MMD: variants seen among roughly 807,000 people sequenced by gnomAD.
MMD encodes monocyte to macrophage differentiation factor.
MMD carries 22 observed loss-of-function variants against 33.6 expected under a neutral mutation model. The observed-to-expected ratio is 0.66, with a 90% CI of 0.47 to 0.94. MMD has a LOEUF of 0.94. MMD is among the 40% of genes least tolerant of loss of function. The probability of loss-of-function intolerance (pLI) is 0.00; values close to 1 mark genes in which losing one functional copy is unlikely to be tolerated. For missense variants in MMD, 242 were observed against 309.8 expected (o/e 0.78, Z 1.64); for synonymous variants, 97 against 103.2 (o/e 0.94, Z 0.36).
intron 1 of MMD, among the ~76,000 whole-genome samples, chr17:55,419,325 G>A (rs1235985921): frequency 6.6e-6 from 1 of 152,180 alleles, no homozygotes; most frequent in African/African-American, 2.4e-5. Context: ...GTGTGTGTAG[G>A]TATCTTGGGG....
At chr17:55,409,000 C>CA (rs1054268226) in intron 3 of MMD, among the ~76,000 whole-genome samples, 17 of 150,082 alleles carry the variant, frequency 1.1e-4, no homozygotes, top group African/African-American at 3.7e-4. Context: ...TAGTCTGTCT[C>CA]AAAAAAAACA....
chr17:55,407,255 G>C (rs1598432487), intron 4 of MMD, among the ~76,000 whole-genome samples: 2 of 151,050 alleles, frequency 1.3e-5, no homozygotes, highest in East Asian at 3.9e-4. Flanking sequence ...CTTAAACTCG[G>C]GAGGCAGAGG....
chr17:55,421,585 G>A, intron 1 of MMD, 85 bp downstream of exon 1: 1 of 1,561,384 alleles, frequency 6.4e-7, no homozygotes, highest in Non-Finnish European at 8.7e-7. Context: ...ATCCAGGTGA[G>A]GAGCCGGGAG....
At chr17:55,420,764 C>T (rs1324010219) in intron 1 of MMD, among the ~76,000 whole-genome samples, 1 of 152,210 alleles carries the variant, frequency 6.6e-6, no homozygotes, top group Non-Finnish European at 1.5e-5. Context: ...ACCATATGCC[C>T]TGGAGAGGTG....
intron 6 of MMD, among the ~76,000 whole-genome samples, chr17:55,395,060 C>T (rs1233782034): frequency 1.3e-5 from 2 of 152,244 alleles, no homozygotes; most frequent in Non-Finnish European, 1.5e-5. Flanking sequence ...CACAGGAAAA[C>T]CGTAACTAGA....
chr17:55,417,603 C>T (rs188601277), intron 1 of MMD, among the ~76,000 whole-genome samples: 8 of 151,844 alleles, frequency 5.3e-5, no homozygotes, highest in South Asian at 2.1e-4. Flanking sequence ...CCAGCCTAGG[C>T]GGTATAGTGA....
chr17:55,411,056 T>C (rs1313985199), intron 3 of MMD, among the ~76,000 whole-genome samples: 1 of 152,212 alleles, frequency 6.6e-6, no homozygotes, highest in East Asian at 1.9e-4. Flanking sequence ...CCTACCTTCT[T>C]AGATGCCTGC....
chr17:55,420,182 A>T (rs1908124540), intron 1 of MMD: 1 of 152,232 alleles, frequency 6.6e-6, no homozygotes, highest in African/African-American at 2.4e-5. Context: ...GAATATTGCC[A>T]CTGTTCTCTG....
At chr17:55,417,721 C>T (rs937748581) in intron 1 of MMD, among the ~76,000 whole-genome samples, 4 of 152,122 alleles carry the variant, frequency 2.6e-5, no homozygotes, top group Admixed American at 6.6e-5. Context: ...GCTTGAGCCT[C>T]GGAGGTCAAG....
intron 4 of MMD, among the ~76,000 whole-genome samples, chr17:55,407,181 T>C (rs758309000): frequency 6.6e-6 from 1 of 151,534 alleles, no homozygotes; most frequent in Non-Finnish European, 1.5e-5. Flanking sequence ...ATACAAAAAT[T>C]AGCCAGGCAT....
intron 3 of MMD, 76 bp from the exon 4 acceptor site, chr17:55,407,896 T>G: frequency 9.9e-7 from 1 of 1,013,968 alleles, no homozygotes; most frequent in Non-Finnish European, 1.4e-6. Context: ...TCCACTATGT[T>G]GCAATTTCCA....
rs188994299 is a variant in MMD, at chr17:55,410,493, T to G, written c.269+764A>C. ...GCAAACCATTCCCACCTAAATGGTG[T>G]GGTGCTCCAAAATCAATCCTTCACT... On this transcript the variant is annotated intron_variant, in intron 3 of 6. Transcript: ENST00000262065. 3.6e-3 allele frequency among the ~76,000 whole-genome samples: 542 copies of G among 152,300 alleles called. 3 individuals carry two copies. The highest frequency in any genetic ancestry group is 6.8e-3 in the Middle Eastern group (2 of 294).
intron 3 of MMD, 111 bp downstream of exon 3, chr17:55,411,145 GA>G: frequency 8.0e-7 from 1 of 1,257,468 alleles, no homozygotes. Flanking sequence ...CTACAAGGCA[GA>G]AAAATGTCTA....
intron 3 of MMD, among the ~76,000 whole-genome samples, chr17:55,410,021 A>G (rs1228744131): frequency 6.6e-6 from 1 of 152,202 alleles, no homozygotes; most frequent in African/African-American, 2.4e-5. Context: ...CCTTACAGGA[A>G]AAGGTAGCAG....
chr17:55,412,892 C>T (rs1907818511), intron 2 of MMD, among the ~76,000 whole-genome samples: 1 of 152,174 alleles, frequency 6.6e-6, no homozygotes, highest in African/African-American at 2.4e-5. Flanking sequence ...CATGTCCTTA[C>T]TACTTTTCAT....
intron 4 of MMD, chr17:55,404,637 AAG>A (rs2143133833): frequency 5.1e-6 from 5 of 985,022 alleles, no homozygotes; most frequent in Non-Finnish European, 6.0e-6. Flanking sequence ...TCTCTCTGCC[AAG>A]AGAGAGTATG....
chr17:55,410,376 G>A (rs536057380), intron 3 of MMD, among the ~76,000 whole-genome samples: 1 of 152,166 alleles, frequency 6.6e-6, no homozygotes, highest in Non-Finnish European at 1.5e-5. Context: ...GCATATTCGA[G>A]TATTTCTTTA....
At chr17:55,401,098 A>G (rs1297666243) in intron 6 of MMD, among the ~76,000 whole-genome samples, 5 of 152,236 alleles carry the variant, frequency 3.3e-5, no homozygotes, top group Non-Finnish European at 7.3e-5. Context: ...ACCTGAATTT[A>G]TAGCTTTCCC....
intron 2 of MMD, 141 bp downstream of exon 2, chr17:55,414,010 G>T: frequency 1.3e-6 from 1 of 743,058 alleles, no homozygotes; most frequent in Non-Finnish European, 2.3e-6. Context: ...CTGGTGACAC[G>T]ACCCAGAACT....
Sources: gnomAD v4.1 joint callset for allele counts (sites outside exome capture counted in the v4.1 genomes callset) on GRCh38, gnomAD v4.1.1 for gene constraint, MANE v1.5 for transcripts, NCBI Gene and HGNC (gene_info 2026-07-23, HGNC 2026-07-21) for gene names.